The following DPF3 variants were observed in gnomAD, a reference collection of about 807,000 sequenced individuals.
The protein encoded by DPF3 is double PHD fingers 3, also known as zinc finger protein DPF3.
In DPF3, 18 loss-of-function variants were observed where a neutral mutation model predicts 56.8. The observed-to-expected ratio is 0.32, with a 90% confidence interval of 0.22 to 0.47. The LOEUF is 0.47. Ranked by LOEUF, DPF3 falls within the 20% of genes least tolerant of loss-of-function variation. DPF3 has a pLI of 1.00. For synonymous variants in DPF3, 188 were observed against 180.2 expected (o/e 1.04, Z -0.35); for missense variants, 403 against 488.8 (o/e 0.82, Z 1.65).
intron 1 of DPF3, chr14:72,836,084 A>G (rs1382217241): frequency 3.0e-6 from 3 of 985,520 alleles, no homozygotes; most frequent in African/African-American, 1.7e-5. Context: ...CACAACTTAC[A>G]TGGCCTCCAG....
At chr14:72,768,174 T>C (rs908385987) in intron 2 of DPF3, among the ~76,000 whole-genome samples, 1 of 152,080 alleles carries the variant, frequency 6.6e-6, no homozygotes, top group African/African-American at 2.4e-5. Flanking sequence ...AGAAAGTAAA[T>C]GCTAAAAGAA....
intron 7 of DPF3, among the ~76,000 whole-genome samples, chr14:72,683,883 T>G (rs763519253): frequency 5.9e-5 from 9 of 152,170 alleles, no homozygotes; most frequent in Non-Finnish European, 1.2e-4. Context: ...CTTTCAGTGC[T>G]GTAGCTGGGC....
At chr14:72,794,937 A>T (rs866201424) in intron 1 of DPF3, among the ~76,000 whole-genome samples, 4 of 151,918 alleles carry the variant, frequency 2.6e-5, no homozygotes, top group Non-Finnish European at 4.4e-5. Context: ...TTCCAATGTC[A>T]TATCTCCAGC....
rs1045574183 is a variant in DPF3, at chr14:72,735,729, G to A, written c.302-3795C>T. ...TGGAGTCAATCCCTAGCCTTGCCACGTATTAGTAAAGGGACCATGGGCTAG... is the reference window on the plus strand; with the variant it reads ...TGGAGTCAATCCCTAGCCTTGCCACATATTAGTAAAGGGACCATGGGCTAG... On this transcript the variant is annotated intron_variant, in intron 3 of 10. Coordinates refer to ENST00000556509, the MANE Select transcript of DPF3 (RefSeq NM_001280542.3). 5.9e-5 allele frequency among the ~76,000 whole-genome samples: 9 copies of A among 152,166 alleles called. No homozygotes were observed. In the East Asian group the frequency reaches 7.7e-4, roughly 13 times the overall value.
chr14:72,856,827 C>T (rs986044191), intron 1 of DPF3, among the ~76,000 whole-genome samples: 1 of 152,206 alleles, frequency 6.6e-6, no homozygotes, highest in Admixed American at 6.5e-5. Context: ...GCTGAGAGTC[C>T]AGCGCGGCCC....
intron 1 of DPF3, chr14:72,853,113 C>T (rs1885047816): frequency 6.7e-6 from 1 of 149,628 alleles, no homozygotes; most frequent in Non-Finnish European, 1.5e-5. Flanking sequence ...TTTACAAAAA[C>T]TCCTTAGCTT....
intron 8 of DPF3, chr14:72,671,167 G>A (rs577582566): frequency 1.2e-5 from 19 of 1,613,892 alleles, no homozygotes; most frequent in East Asian, 8.9e-5. Context: ...TGCTGTGGGC[G>A]AACCCCGGCC....
chr14:72,808,565 A>C (rs1266411981), intron 1 of DPF3, among the ~76,000 whole-genome samples: 1 of 152,204 alleles, frequency 6.6e-6, no homozygotes, highest in African/African-American at 2.4e-5. Flanking sequence ...GAGTCTTCCA[A>C]ATTAAAATTT....
chr14:72,837,369 T>A (rs1000437585), intron 1 of DPF3, among the ~76,000 whole-genome samples: 1 of 152,140 alleles, frequency 6.6e-6, no homozygotes, highest in African/African-American at 2.4e-5. Context: ...ATGAAAAGCA[T>A]TTTTTTGGGG....
chr14:72,745,356 A>G (rs1469376355), intron 3 of DPF3, among the ~76,000 whole-genome samples: 1 of 152,190 alleles, frequency 6.6e-6, no homozygotes, highest in Non-Finnish European at 1.5e-5. Context: ...GGACAAAATA[A>G]TATTCCATTC....
At chr14:72,643,059 G>A (rs953945880) in intron 8 of DPF3, among the ~76,000 whole-genome samples, 6 of 152,170 alleles carry the variant, frequency 3.9e-5, no homozygotes, top group African/African-American at 9.7e-5. Flanking sequence ...CAGGCAGCCC[G>A]CAAGTAAGTA....
At chr14:72,625,191 A>G (rs1884752061) in intron 9 of DPF3, among the ~76,000 whole-genome samples, 1 of 152,134 alleles carries the variant, frequency 6.6e-6, no homozygotes, top group South Asian at 2.1e-4. Flanking sequence ...AAGTGTGCCC[A>G]ATGATTATTT....
chr14:72,871,403 T>C (rs1195007809), intron 1 of DPF3, among the ~76,000 whole-genome samples: 1 of 152,232 alleles, frequency 6.6e-6, no homozygotes, highest in Non-Finnish European at 1.5e-5. Flanking sequence ...CTTCTGCCTA[T>C]ATTCTATAAA....
At chr14:72,735,924 CTT>C (rs1484406004) in intron 3 of DPF3, among the ~76,000 whole-genome samples, 8 of 152,174 alleles carry the variant, frequency 5.3e-5, no homozygotes, top group Non-Finnish European at 1.2e-4. Context: ...GGCTTATCAA[CTT>C]TTGTTTTATT....
In DPF3 at chr14:72,613,873, G is replaced by A. The variant is rs1035473598; in HGVS notation, c.*5424C>T. ...GCCTCCCCGGGGACAGCTGCTGAGA[G>A]GCTCTAAGGCAGTTCCCACTCGCTC... On this transcript the variant is annotated 3_prime_UTR_variant, in exon 11 of 11. Transcript: ENST00000556509. 6.6e-6 allele frequency among the ~76,000 whole-genome samples: 1 copy of A among 152,216 alleles called. No homozygotes were observed. Among genetic ancestry groups the A allele is most frequent in the Admixed American group, 6.5e-5 (1 of 15,288 alleles).
rs1883681792 is a variant in DPF3 at position 72,610,858 on chromosome 14, C to T, written c.*8439G>A. 6.6e-6 allele frequency among the ~76,000 whole-genome samples: 1 copy of T among 152,204 alleles called. No individual in the cohort carries two copies. On this transcript the variant is annotated 3_prime_UTR_variant, in exon 11 of 11. Transcript: ENST00000556509. ...CTGCCAGTCTGGTGTGGAAAGGGTC[C>T]AAGTCAGAGGCCTTTGCCTCACCCC... is the stretch of plus-strand genomic sequence containing the variant.
intron 8 of DPF3, among the ~76,000 whole-genome samples, chr14:72,657,351 T>C (rs1427539544): frequency 6.6e-6 from 1 of 152,224 alleles, no homozygotes; most frequent in East Asian, 1.9e-4. Context: ...AGTCATGATG[T>C]CCACAATGGA....
intron 1 of DPF3, among the ~76,000 whole-genome samples, chr14:72,842,016 G>A (rs1884562215): frequency 6.6e-6 from 1 of 151,570 alleles, no homozygotes; most frequent in Non-Finnish European, 1.5e-5. Flanking sequence ...GAGCCCAGGA[G>A]GTCAAGCCTG....
chr14:72,876,980 G>C (rs1447661376), intron 1 of DPF3, among the ~76,000 whole-genome samples: 1 of 152,160 alleles, frequency 6.6e-6, no homozygotes, highest in Admixed American at 6.5e-5. Context: ...CCCTCCTTGG[G>C]GACAAAGCCA....
Sources: allele counts gnomAD v4.1 joint callset (sites outside exome capture counted in the v4.1 genomes callset), GRCh38; gene constraint gnomAD v4.1.1; transcripts MANE v1.5; gene names NCBI Gene and HGNC (gene_info 2026-07-23, HGNC 2026-07-21).